The following HAUS8 variants were observed in gnomAD, a reference collection of about 807,000 sequenced individuals.
HAUS8 encodes HAUS augmin like complex subunit 8, also known as HAUS augmin-like complex subunit 8.
A neutral mutation model predicts 42.9 loss-of-function variants in HAUS8; 38 were observed. The observed-to-expected ratio is 0.89, with a 90% confidence interval of 0.68 to 1.16. HAUS8 has a LOEUF of 1.16. Ranked by LOEUF, HAUS8 falls within the 50% of genes most tolerant of loss-of-function variation. The pLI is 0.00. For missense variants in HAUS8, 494 were observed against 511.6 expected (o/e 0.97, Z 0.33); for synonymous variants, 199 against 205.8 (o/e 0.97, Z 0.28).
rs891805074 is a variant in HAUS8 at position 17,067,253 on chromosome 19, A to G, written c.147+1778T>C. Among the ~76,000 whole-genome samples, 4 of 152,092 alleles carry G rather than the reference A, an allele frequency of 2.6e-5. No individual in the cohort carries two copies. The East Asian group carries it at 7.7e-4, about 29-fold the overall frequency. On this transcript the variant is annotated intron_variant, in intron 3 of 10. Transcript: ENST00000253669. The stretch of plus-strand genomic sequence containing the variant: ...AGCACCTACATGCAATACATGCAAC[A>G]CAGAGGAACTTGAAAGGCACTCTGC...
rs376420401 is a variant in HAUS8, at chr19:17,052,926, C to T, written c.828G>A (p.Leu276=). The T allele has an allele frequency of 3.2e-5, 51 of 1,614,076 alleles. No individual in the cohort carries two copies. Among genetic ancestry groups the T allele is most frequent in the Non-Finnish European group, 3.6e-5 (43 of 1,180,048 alleles). Residue 276 remains leucine, a synonymous_variant, in exon 10 of 11, where the codon CTG becomes CTA. Transcript: ENST00000253669. The part of the protein sequence containing the change: ...QHELVTTQRL[L]GELDVGDSEE... ...CCGAATCACCAACATCAAGTTCTCC[C>T]AGGAGGCGCTGAGTGGTCACCAGTT... is the stretch of plus-strand genomic sequence containing the variant.
chr19:17,056,551 A>G (rs192431897), intron 8 of HAUS8, among the ~76,000 whole-genome samples: 4 of 151,778 alleles, frequency 2.6e-5, no homozygotes, highest in Admixed American at 6.6e-5. Context: ...ACACACATAC[A>G]CACACACACA....
At chr19:17,051,362 CG>C (rs2057286085) in intron 10 of HAUS8, among the ~76,000 whole-genome samples, 1 of 141,440 alleles carries the variant, frequency 7.1e-6, no homozygotes, top group Non-Finnish European at 1.5e-5. Flanking sequence ...GAGAAAAGCG[CG>C]TGGTTAGAAA....
chr19:17,059,889 TG>T, intron 5 of HAUS8, 107 bp downstream of exon 5: 1 of 797,292 alleles, frequency 1.3e-6, no homozygotes, highest in Non-Finnish European at 2.2e-6. Context: ...CAACTTACAA[TG>T]GGTTTGTTGG....
chr19:17,061,795 G>A (rs73928444), intron 4 of HAUS8, among the ~76,000 whole-genome samples: 2,239 of 152,244 alleles, frequency 0.015, 55 homozygotes, highest in African/African-American at 0.052. Flanking sequence ...AATCGCCCTT[G>A]AGTAAGAACT....
rs2057367856 is a variant in HAUS8, at chr19:17,062,692, T to G, written c.229+6A>C. The G allele has an allele frequency of 6.8e-6, 11 of 1,613,424 alleles. No homozygotes were observed. Among genetic ancestry groups the G allele is most frequent in the African/African-American group, 1.3e-5 (1 of 74,916 alleles). On this transcript the variant is annotated splice_donor_region_variant and intron_variant, in intron 4 of 10. Transcript: ENST00000253669. ...TCACTGCCCGAGGACCATGGCTGTT[T>G]CGCACCTTTGCTTTTCTGGAGCAGG...
intron 1 of HAUS8, 199 bp from the exon 2 acceptor site, chr19:17,073,534 T>C (rs748805053): frequency 2.1e-5 from 13 of 608,896 alleles, no homozygotes; most frequent in Non-Finnish European, 3.5e-5. Flanking sequence ...CAAGAAGGCA[T>C]AGGTGAACAC....
chr19:17,067,398 G>T (rs2057393460), intron 3 of HAUS8, among the ~76,000 whole-genome samples: 1 of 151,994 alleles, frequency 6.6e-6, no homozygotes, highest in African/African-American at 2.4e-5. Flanking sequence ...GTGGGAGAGG[G>T]GCTGGTCCTA....
intron 1 of HAUS8, chr19:17,073,874 C>A: frequency 6.2e-6 from 1 of 160,440 alleles, no homozygotes; most frequent in Admixed American, 6.0e-5. Flanking sequence ...TGGTGGCATG[C>A]GCCTGTAGTC....
chr19:17,053,042 C>A (rs1381516962), intron 9 of HAUS8, 76 bp from the exon 10 acceptor site: 1 of 1,560,056 alleles, frequency 6.4e-7, no homozygotes, highest in East Asian at 2.2e-5. Flanking sequence ...GAGCGGCCGA[C>A]AGACTTCTGT....
At chr19:17,071,003 GA>G (rs2057418400) in intron 2 of HAUS8, among the ~76,000 whole-genome samples, 1 of 152,060 alleles carries the variant, frequency 6.6e-6, no homozygotes, top group Admixed American at 6.5e-5. Flanking sequence ...CCAGGAGGCA[GA>G]GGCTGCAGTG....
chr19:17,071,922 G>A (rs2057427139), intron 2 of HAUS8, among the ~76,000 whole-genome samples: 2 of 152,120 alleles, frequency 1.3e-5, no homozygotes, highest in African/African-American at 4.8e-5. Flanking sequence ...GGAGGCGGGA[G>A]CTACAGTGAG....
intron 3 of HAUS8, among the ~76,000 whole-genome samples, chr19:17,063,955 C>T (rs944197617): frequency 6.6e-6 from 1 of 152,144 alleles, no homozygotes; most frequent in African/African-American, 2.4e-5. Flanking sequence ...GAGCCAATCC[C>T]GTGTAAATAA....
intron 3 of HAUS8, 55 bp downstream of exon 3, chr19:17,068,976 G>C: frequency 6.5e-7 from 1 of 1,535,862 alleles, no homozygotes; most frequent in Non-Finnish European, 9.0e-7. Flanking sequence ...CGGAATTCCA[G>C]TTGCTCAGAA....
At chr19:17,058,960 T>G in intron 6 of HAUS8, 84 bp from the exon 7 acceptor site, 1 of 1,083,384 alleles carries the variant, frequency 9.2e-7, no homozygotes, top group Non-Finnish European at 1.3e-6. Flanking sequence ...GAACTCTGGC[T>G]TGTGTGGATT....
At chr19:17,053,046 C>A in intron 9 of HAUS8, 80 bp from the exon 10 acceptor site, 1 of 1,546,040 alleles carries the variant, frequency 6.5e-7, no homozygotes, top group Admixed American at 1.7e-5. Context: ...GGCCGACAGA[C>A]TTCTGTCATG....
intron 1 of HAUS8, chr19:17,075,080 C>A (rs2057460036): frequency 4.4e-6 from 2 of 456,982 alleles, no homozygotes; most frequent in South Asian, 6.1e-5. Flanking sequence ...CAGCCTCACG[C>A]GACGCCTACG....
Position 17,073,355 on chromosome 19 carries a change from G to T in HAUS8, c.30-20C>A, listed in dbSNP as rs200166884. The T allele has an allele frequency of 3.7e-6, 6 of 1,612,408 alleles. No homozygotes were observed. The highest frequency in any genetic ancestry group is 5.1e-6 in the Non-Finnish European group (6 of 1,178,720). On this transcript the variant is annotated intron_variant, in intron 1 of 10. Transcript: ENST00000253669. The stretch of plus-strand genomic sequence containing the variant: ...GGCTTCCTGCAAGAGAAGAGAGAGA[G>T]GTCTTGTTCACCTCACTACCCAAGA...
At chr19:17,055,143 A>T (rs1337309853) in intron 9 of HAUS8, 21 of 15,502 alleles carry the variant, frequency 1.4e-3, no homozygotes, top group South Asian at 3.7e-3. Flanking sequence ...AAAAAAAAAA[A>T]ATATATATAT....
Sources: allele counts gnomAD v4.1 joint callset (sites outside exome capture counted in the v4.1 genomes callset), GRCh38; gene constraint gnomAD v4.1.1; transcripts MANE v1.5; gene names NCBI Gene and HGNC (gene_info 2026-07-23, HGNC 2026-07-21).